Variants in DCC observed in about 807,000 individuals in gnomAD.
The protein encoded by DCC is DCC netrin 1 receptor.
DCC carries 58 observed loss-of-function variants against 172.5 expected under a neutral mutation model. The ratio of observed to expected loss-of-function variants is 0.34; its 90% confidence interval spans 0.27 to 0.42. The LOEUF (loss-of-function observed/expected upper bound fraction) is 0.42, where lower values mean the gene tolerates loss of function less well. Ranked by LOEUF, DCC falls within the 10% of genes least tolerant of loss-of-function variation. The probability of loss-of-function intolerance (pLI) is 1.00; values close to 1 mark genes in which losing one functional copy is unlikely to be tolerated. For synonymous variants in DCC, 709 were observed against 644.5 expected (o/e 1.10, Z -1.52); for missense variants, 1,740 against 1,791.0 (o/e 0.97, Z 0.51).
chr18:53,479,054 A>T (rs1026784796), intron 25 of DCC, among the ~76,000 whole-genome samples: 1 of 152,214 alleles, frequency 6.6e-6, no homozygotes, highest in African/African-American at 2.4e-5. Context: ...CCAACCAAGA[A>T]TTCTTTCCTA....
At chr18:53,410,708 A>G in intron 20 of DCC, 62 bp downstream of exon 20, 5 of 1,062,978 alleles carry the variant, frequency 4.7e-6, no homozygotes, top group Non-Finnish European at 7.4e-6. Context: ...ATAGCTTTGC[A>G]CTCTGTGTTA....
intron 1 of DCC, among the ~76,000 whole-genome samples, chr18:52,574,297 T>C (rs766545301): frequency 4.8e-4 from 73 of 152,312 alleles, no homozygotes; most frequent in Middle Eastern, 3.4e-3. Flanking sequence ...GAAGCCTGCA[T>C]TTATGAATGT....
chr18:52,896,523 G>A (rs1383661361), intron 2 of DCC, among the ~76,000 whole-genome samples: 1 of 152,170 alleles, frequency 6.6e-6, no homozygotes, highest in East Asian at 1.9e-4. Context: ...TGGCATTGAT[G>A]TTCAGTATAA....
rs73463052 is a variant in DCC at position 53,276,957 on chromosome 18, G to A, written c.1912-28621G>A. ...GAAATAATTTAAAAATAGTCACCAAGAGAGGGCATCCTAAAACAAAACCAA... is the reference window on the plus strand; with the variant it reads ...GAAATAATTTAAAAATAGTCACCAAAAGAGGGCATCCTAAAACAAAACCAA... On this transcript the variant is annotated intron_variant, in intron 12 of 28. Coordinates refer to ENST00000442544, the MANE Select transcript of DCC (RefSeq NM_005215.4). Among the ~76,000 whole-genome samples, 452 of 152,166 alleles carry A rather than the reference G, an allele frequency of 3.0e-3. 5 individuals carry two copies. The highest frequency in any genetic ancestry group is 0.01 in the African/African-American group (432 of 41,528).
chr18:52,605,001 T>C (rs2034102572), intron 1 of DCC, among the ~76,000 whole-genome samples: 1 of 139,978 alleles, frequency 7.1e-6, no homozygotes, highest in African/African-American at 2.7e-5. Context: ...TATGGTTTAC[T>C]ATAAGGAGCT....
chr18:52,428,950 T>C (rs1213915214), intron 1 of DCC, among the ~76,000 whole-genome samples: 1 of 152,078 alleles, frequency 6.6e-6, no homozygotes, highest in African/African-American at 2.4e-5. Flanking sequence ...CTTCTCATGT[T>C]GCAGAACAGA....
chr18:52,866,419 C>T (rs1041720254), intron 2 of DCC, among the ~76,000 whole-genome samples: 1 of 152,072 alleles, frequency 6.6e-6, no homozygotes, highest in African/African-American at 2.4e-5. Flanking sequence ...TTTTCTAACT[C>T]TTTGAAGAAA....
At chr18:53,433,798 C>T (rs1413825325) in intron 21 of DCC, among the ~76,000 whole-genome samples, 1 of 152,122 alleles carries the variant, frequency 6.6e-6, no homozygotes, top group Non-Finnish European at 1.5e-5. Context: ...ACATAGGAGC[C>T]TGCATCCTAT....
At chr18:53,515,864 G>T (rs918898083) in intron 27 of DCC, among the ~76,000 whole-genome samples, 1 of 151,888 alleles carries the variant, frequency 6.6e-6, no homozygotes, top group Non-Finnish European at 1.5e-5. Flanking sequence ...CGTCAAAATG[G>T]CCATACTGCC....
chr18:52,417,837 G>A, intron 1 of DCC, among the ~76,000 whole-genome samples: 1 of 152,066 alleles, frequency 6.6e-6, no homozygotes, highest in Non-Finnish European at 1.5e-5. Flanking sequence ...GTAGCTCGGA[G>A]TAGTTTGATC....
At chr18:53,424,250 A>C (rs1251427465) in intron 21 of DCC, among the ~76,000 whole-genome samples, 2 of 152,204 alleles carry the variant, frequency 1.3e-5, no homozygotes, top group Admixed American at 1.3e-4. Flanking sequence ...AGAAAATCAA[A>C]ACTAATGGAA....
chr18:53,429,644 G>A (rs537962104), intron 21 of DCC, among the ~76,000 whole-genome samples: 13 of 151,976 alleles, frequency 8.6e-5, no homozygotes, highest in Non-Finnish European at 1.8e-4. Context: ...TTGCACTTTG[G>A]CTCAGAGTAG....
chr18:52,378,937 T>C (rs1357045772), intron 1 of DCC, among the ~76,000 whole-genome samples: 1 of 152,152 alleles, frequency 6.6e-6, no homozygotes, highest in East Asian at 1.9e-4. Flanking sequence ...AGAAAAATAA[T>C]GAATTTTGGT....
chr18:53,503,780 C>T (rs2046134247), intron 27 of DCC, among the ~76,000 whole-genome samples: 1 of 152,122 alleles, frequency 6.6e-6, no homozygotes, highest in South Asian at 2.1e-4. Flanking sequence ...TCATAATACT[C>T]TTTTATAACA....
At chr18:52,775,236 G>C (rs1314750897) in intron 2 of DCC, among the ~76,000 whole-genome samples, 3 of 145,276 alleles carry the variant, frequency 2.1e-5, no homozygotes, top group African/African-American at 8.6e-5. Flanking sequence ...CATGCTTCTA[G>C]GGGAGCATAC....
intron 1 of DCC, among the ~76,000 whole-genome samples, chr18:52,395,983 T>C (rs900595905): frequency 3.9e-5 from 6 of 151,998 alleles, no homozygotes; most frequent in African/African-American, 1.2e-4. Flanking sequence ...ATAGAAAACG[T>C]TAAGCCTCAG....
chr18:53,241,578 T>G (rs746292979), intron 12 of DCC, among the ~76,000 whole-genome samples: 16 of 152,102 alleles, frequency 1.1e-4, no homozygotes, highest in Non-Finnish European at 1.5e-5. Flanking sequence ...GAAAAGTGTC[T>G]TCAAGGTTTT....
At chr18:52,649,973 ATTTTTT>A (rs71175512) in intron 1 of DCC, among the ~76,000 whole-genome samples, 1 of 106,928 alleles carries the variant, frequency 9.4e-6, no homozygotes, top group Non-Finnish European at 1.8e-5. Flanking sequence ...TGATAGTTCT[ATTTTTT>A]TTTTTTTTTT....
chr18:53,090,240 C>A (rs774032350), intron 7 of DCC, among the ~76,000 whole-genome samples: 3 of 152,060 alleles, frequency 2.0e-5, no homozygotes, highest in Non-Finnish European at 4.4e-5. Context: ...TCTTTAAAGG[C>A]AAATAGTTAT....
Sources: gnomAD v4.1 joint callset for allele counts (sites outside exome capture counted in the v4.1 genomes callset) on GRCh38, gnomAD v4.1.1 for gene constraint, MANE v1.5 for transcripts, NCBI Gene and HGNC (gene_info 2026-07-23, HGNC 2026-07-21) for gene names.